Variants in LPP observed in about 807,000 individuals in gnomAD.
LPP encodes lipoma-preferred partner.
Under a neutral mutation model 60.4 loss-of-function variants are expected in LPP, and 38 were observed. That is an observed-to-expected ratio of 0.63 (90% CI 0.49 to 0.83). LPP has a LOEUF of 0.83. LPP is among the 40% of genes least tolerant of loss of function. The pLI is 0.00. For synonymous variants in LPP, 328 were observed against 290.8 expected, an observed-to-expected ratio of 1.13 and a Z score of -1.30; for missense variants, 902 against 783.6, an observed-to-expected ratio of 1.15 and a Z score of -1.80.
At chr3:188,527,588 G>A (rs1820986882) in intron 6 of LPP, among the ~76,000 whole-genome samples, 1 of 152,012 alleles carries the variant, frequency 6.6e-6, no homozygotes, top group African/African-American at 2.4e-5. Context: ...TCTCCAGCAA[G>A]CCACTCTTCA....
At chr3:188,763,260 T>G (rs1219201874) in intron 9 of LPP, among the ~76,000 whole-genome samples, 1 of 152,040 alleles carries the variant, frequency 6.6e-6, no homozygotes, top group East Asian at 1.9e-4. Flanking sequence ...TCTTTTTTTT[T>G]TTTTTAATTG....
chr3:188,272,152 C>T (rs758323586), intron 2 of LPP, among the ~76,000 whole-genome samples: 1 of 152,166 alleles, frequency 6.6e-6, no homozygotes, highest in Non-Finnish European at 1.5e-5. Flanking sequence ...TGCTCTGTGA[C>T]TTGGTCAAGA....
intron 4 of LPP, among the ~76,000 whole-genome samples, chr3:188,474,535 A>T (rs560196873): frequency 1.7e-4 from 26 of 151,958 alleles, no homozygotes; most frequent in African/African-American, 6.3e-4. Context: ...TTGTCTTTGG[A>T]GGGGTTGTAA....
chr3:188,805,101 T>C (rs1018637446), intron 9 of LPP, among the ~76,000 whole-genome samples: 3 of 152,072 alleles, frequency 2.0e-5, no homozygotes, highest in Non-Finnish European at 2.9e-5. Context: ...AATTTGCCAG[T>C]AGTTTGTTGA....
intron 4 of LPP, among the ~76,000 whole-genome samples, chr3:188,429,652 A>T (rs1260010525): frequency 6.6e-6 from 1 of 152,214 alleles, no homozygotes; most frequent in Non-Finnish European, 1.5e-5. Flanking sequence ...CATCTTGCTT[A>T]TATGAGCCCG....
chr3:188,182,296 C>G lies in LPP; in HGVS notation c.-190+28044C>G, dbSNP rs1725245296. 6.6e-6 allele frequency among the ~76,000 whole-genome samples: 1 copy of G among 152,132 alleles called. No homozygotes were observed. The highest frequency in any genetic ancestry group is 1.5e-5 in the Non-Finnish European group (1 of 68,032). ...TACCAGTGGAGACTCTCGGTCTCAC[C>G]CCAGAATCTATGTCTTTAGGTGTTG... On this transcript the variant is annotated intron_variant, in intron 1 of 11. Coordinates refer to ENST00000617246, the MANE Select transcript of LPP (RefSeq NM_001375462.1). The surrounding 1 kb of genome is among the most constrained non-coding windows in gnomAD (Gnocchi z 4.4).
intron 7 of LPP, among the ~76,000 whole-genome samples, chr3:188,672,649 G>T (rs1857172995): frequency 6.6e-6 from 1 of 152,160 alleles, no homozygotes; most frequent in South Asian, 2.1e-4. Context: ...CTGCAGGCAG[G>T]AGCAGAATAA....
At chr3:188,226,724 A>G (rs892731989) in intron 2 of LPP, among the ~76,000 whole-genome samples, 1 of 152,110 alleles carries the variant, frequency 6.6e-6, no homozygotes, top group Admixed American at 6.5e-5. Flanking sequence ...ACACCTTGAC[A>G]TATTTGTGGT....
chr3:188,166,924 C>T (rs1272486298), intron 1 of LPP, among the ~76,000 whole-genome samples: 1 of 152,032 alleles, frequency 6.6e-6, no homozygotes, highest in Non-Finnish European at 1.5e-5. Flanking sequence ...AATTGAGTAC[C>T]TTCTTGGCAC....
intron 2 of LPP, 79 bp from the exon 3 acceptor site, chr3:188,341,584 A>C (rs1301027703): frequency 2.6e-6 from 1 of 380,196 alleles, no homozygotes; most frequent in Non-Finnish European, 3.6e-6. Context: ...TGTAGATATA[A>C]GAGGTTATGA....
At chr3:188,528,181 C>G (rs1244912969) in intron 6 of LPP, among the ~76,000 whole-genome samples, 1 of 151,982 alleles carries the variant, frequency 6.6e-6, no homozygotes, top group African/African-American at 2.4e-5. Flanking sequence ...GTGTGTGCCA[C>G]CATGCCCAGC....
At chr3:188,592,557 G>GTTTGTTTGTTTTTTTTTT (rs1260656926) in intron 6 of LPP, among the ~76,000 whole-genome samples, 3 of 85,754 alleles carry the variant, frequency 3.5e-5, no homozygotes, top group South Asian at 5.7e-4. Context: ...TTTTGTTTTT[G>GTTTGTTTGTTTTTTTTTT]TTTTTTAAAT....
chr3:188,703,359 C>T (rs1020762361), intron 7 of LPP, among the ~76,000 whole-genome samples: 3 of 152,100 alleles, frequency 2.0e-5, no homozygotes, highest in Admixed American at 1.3e-4. Flanking sequence ...TAAACACTAT[C>T]GAGAGAGAGG....
Position 188,495,950 on chromosome 3 carries a change from T to C in LPP, c.306+11246T>C, listed in dbSNP as rs74874430. Among the ~76,000 whole-genome samples, 1,154 of 152,294 alleles carry C rather than the reference T, an allele frequency of 7.6e-3. 13 individuals are homozygous for C. Among genetic ancestry groups the C allele is most frequent in the African/African-American group, 0.026 (1,066 of 41,560 alleles). ...TTTTCTGTTCATAGCTGATTTCACT[T>C]GATCCATTCAAAAGTCAAGCATTTT... On this transcript the variant is annotated intron_variant, in intron 5 of 11. Coordinates refer to ENST00000617246, the MANE Select transcript of LPP (RefSeq NM_001375462.1).
At chr3:188,266,304 GT>G (rs945469755) in intron 2 of LPP, among the ~76,000 whole-genome samples, 13 of 152,192 alleles carry the variant, frequency 8.5e-5, no homozygotes, top group African/African-American at 2.9e-4. Context: ...AACAAGAAGT[GT>G]TTTCTAGTTG....
chr3:188,372,954 G>A (rs557804767), intron 3 of LPP, among the ~76,000 whole-genome samples: 14 of 151,970 alleles, frequency 9.2e-5, no homozygotes, highest in East Asian at 5.8e-4. Context: ...GAGAACATGC[G>A]GTGTTTGGTT....
At position 188,494,128 on chromosome 3, in the gene LPP, A is replaced by T. The variant is rs372420558; in HGVS notation, c.306+9424A>T. 2.6e-5 allele frequency among the ~76,000 whole-genome samples: 4 copies of T among 152,268 alleles called. No individual in the cohort carries two copies. In the East Asian group the frequency reaches 7.7e-4, roughly 29 times the overall value. ...GTATATACGTTCAGTCTTCAACCATATATGTAATTAGGGGATGCAGGCCAG... is the reference window on the plus strand; with the variant it reads ...GTATATACGTTCAGTCTTCAACCATTTATGTAATTAGGGGATGCAGGCCAG... On this transcript the variant is annotated intron_variant, in intron 5 of 11. Coordinates refer to ENST00000617246, the MANE Select transcript of LPP (RefSeq NM_001375462.1).
chr3:188,581,718 C>T, intron 6 of LPP, among the ~76,000 whole-genome samples: 1 of 152,138 alleles, frequency 6.6e-6, no homozygotes, highest in East Asian at 1.9e-4. Context: ...CATTGCTTCG[C>T]TCTATTTTAC....
chr3:188,203,445 A>ATATATATATATT, intron 1 of LPP, among the ~76,000 whole-genome samples: 1 of 91,156 alleles, frequency 1.1e-5, no homozygotes, highest in East Asian at 2.9e-4. Flanking sequence ...ATATATTTAT[A>ATATATATATATT]TAAATATATA....
Sources: allele counts gnomAD v4.1 joint callset (sites outside exome capture counted in the v4.1 genomes callset), GRCh38; gene constraint gnomAD v4.1.1; non-coding constraint Gnocchi (gnomAD v3.1); transcripts MANE v1.5; gene names NCBI Gene and HGNC (gene_info 2026-07-23, HGNC 2026-07-21).